SNX25: variants seen among roughly 807,000 people sequenced by gnomAD.
SNX25 encodes the protein sorting nexin 25.
SNX25 carries 62 observed loss-of-function variants against 113.7 expected under a neutral mutation model. That is an observed-to-expected ratio of 0.55 (90% CI 0.44 to 0.67). The LOEUF is 0.67. Ranked by LOEUF, SNX25 falls within the 30% of genes least tolerant of loss-of-function variation. SNX25 has a pLI of 0.00. For synonymous variants in SNX25, 421 were observed against 436.2 expected (o/e 0.97, Z 0.43); for missense variants, 1,014 against 1,161.0 (o/e 0.87, Z 1.84).
At chr4:185,240,389 C>T (rs1048864409) in intron 1 of SNX25, among the ~76,000 whole-genome samples, 87 of 147,066 alleles carry the variant, frequency 5.9e-4, no homozygotes, top group African/African-American at 8.7e-4. Flanking sequence ...GCTGGCCGGG[C>T]GGGGGGCTGA....
At chr4:185,216,666 C>T (rs1236843649) in intron 1 of SNX25, among the ~76,000 whole-genome samples, 2 of 151,692 alleles carry the variant, frequency 1.3e-5, no homozygotes, top group Admixed American at 6.6e-5. Context: ...ATGATAGGCG[C>T]CCGCCACCAC....
chr4:185,207,549 C>T (rs1737239702), upstream of SNX25, among the ~76,000 whole-genome samples: 1 of 152,138 alleles, frequency 6.6e-6, no homozygotes, highest in Non-Finnish European at 1.5e-5. Context: ...GAATGCAGAT[C>T]AGGATCAAGA....
intron 3 of SNX25, among the ~76,000 whole-genome samples, chr4:185,260,102 C>T (rs1747073542): frequency 6.6e-6 from 1 of 152,126 alleles, no homozygotes; most frequent in Non-Finnish European, 1.5e-5. Context: ...TGAAACAGTA[C>T]TTTTGTTACC....
intron 12 of SNX25, among the ~76,000 whole-genome samples, chr4:185,343,304 A>C (rs1384358480): frequency 6.6e-6 from 1 of 152,238 alleles, no homozygotes; most frequent in Non-Finnish European, 1.5e-5. Context: ...ATATGTATAT[A>C]AAGCATTTAT....
intron 5 of SNX25, among the ~76,000 whole-genome samples, chr4:185,268,318 G>A (rs892556096): frequency 2.6e-5 from 4 of 152,158 alleles, no homozygotes; most frequent in African/African-American, 9.7e-5. Flanking sequence ...TAATTATTTT[G>A]AGAAAACACA....
chr4:185,350,818 C>T (rs756456727), intron 13 of SNX25, among the ~76,000 whole-genome samples: 11 of 152,190 alleles, frequency 7.2e-5, no homozygotes, highest in Middle Eastern at 6.8e-3. Context: ...GCCAAGATGG[C>T]GCCACTGCAC....
chr4:185,236,076 A>G (rs1579401458), intron 1 of SNX25, among the ~76,000 whole-genome samples: 1 of 152,206 alleles, frequency 6.6e-6, no homozygotes, highest in African/African-American at 2.4e-5. Flanking sequence ...TTTCCGGGCA[A>G]CATAAGTAAA....
chr4:185,207,993 C>T (rs1737263133), upstream of SNX25, among the ~76,000 whole-genome samples: 1 of 152,142 alleles, frequency 6.6e-6, no homozygotes, highest in Admixed American at 6.5e-5. Context: ...AGCCACTGTG[C>T]TTTATTTGAA....
chr4:185,340,099 A>G (rs2126721385), intron 11 of SNX25, among the ~76,000 whole-genome samples: 1 of 152,214 alleles, frequency 6.6e-6, no homozygotes, highest in South Asian at 2.1e-4. Flanking sequence ...CCCCTGCCCT[A>G]CTGTCTGTCA....
chr4:185,240,784 G>T (rs754647626), intron 1 of SNX25, among the ~76,000 whole-genome samples: 6,299 of 149,478 alleles, frequency 0.042, 219 homozygotes, highest in African/African-American at 0.095. Flanking sequence ...GAGCGGAGGG[G>T]CTCCTCACTT....
chr4:185,259,352 A>C (rs933549547), intron 3 of SNX25, among the ~76,000 whole-genome samples: 8 of 152,184 alleles, frequency 5.3e-5, no homozygotes, highest in African/African-American at 1.9e-4. Context: ...ACTAGAAATA[A>C]AAAATTTAAA....
the SNX25 span, chr4:185,377,308 T>C: frequency 8.2e-5 from 26 of 316,238 alleles, no homozygotes; most frequent in South Asian, 1.2e-4. Flanking sequence ...CACCTGAGTT[T>C]GGGAGTTCAA....
chr4:185,374,327 T>C (rs752393395), downstream of SNX25: 2 of 1,614,112 alleles, frequency 1.2e-6, no homozygotes, highest in Non-Finnish European at 1.7e-6. Context: ...ACCTTTCAGC[T>C]TCCTCATTTG....
chr4:185,212,819 AAC>A (rs2111478451), intron 1 of SNX25, among the ~76,000 whole-genome samples: 1 of 152,292 alleles, frequency 6.6e-6, no homozygotes, highest in Non-Finnish European at 1.5e-5. Context: ...TCCTTAGAAT[AAC>A]AGTGACTGCT....
intron 6 of SNX25, among the ~76,000 whole-genome samples, chr4:185,293,125 G>A (rs1752407701): frequency 6.6e-6 from 1 of 152,148 alleles, no homozygotes; most frequent in Non-Finnish European, 1.5e-5. Flanking sequence ...ATGCCTTCTA[G>A]GGTGGCTAAA....
At chr4:185,341,866 C>T (rs2095261514) in intron 11 of SNX25, 110 bp from the exon 12 acceptor site, 5 of 1,128,788 alleles carry the variant, frequency 4.4e-6, no homozygotes, top group Middle Eastern at 2.1e-4. Flanking sequence ...AGGGATCCTG[C>T]AAGGTACATC....
At chr4:185,230,647 C>T (rs1579379398) in intron 1 of SNX25, among the ~76,000 whole-genome samples, 1 of 152,082 alleles carries the variant, frequency 6.6e-6, no homozygotes, top group East Asian at 1.9e-4. Context: ...GATCCACCTG[C>T]CTCGGCCTCC....
At chr4:185,292,778 C>A (rs1385113205) in intron 6 of SNX25, among the ~76,000 whole-genome samples, 1 of 152,106 alleles carries the variant, frequency 6.6e-6, no homozygotes, top group Non-Finnish European at 1.5e-5. Context: ...TAAAAATTAT[C>A]CAGGTGTGGT....
downstream of SNX25, chr4:185,370,681 T>A (rs1375887956): frequency 6.2e-7 from 1 of 1,614,110 alleles, no homozygotes; most frequent in Admixed American, 1.7e-5. Context: ...TCCCTGGTGA[T>A]GCCCAAGCCA....
Sources: allele counts gnomAD v4.1 joint callset (sites outside exome capture counted in the v4.1 genomes callset), GRCh38; gene constraint gnomAD v4.1.1; transcripts MANE v1.5; gene names NCBI Gene and HGNC (gene_info 2026-07-23, HGNC 2026-07-21).